ANKAR: variants seen among roughly 807,000 people sequenced by gnomAD.
ANKAR encodes the protein ankyrin and armadillo repeat containing.
ANKAR carries 136 observed loss-of-function variants against 146.2 expected under a neutral mutation model. The observed-to-expected ratio is 0.93, with a 90% CI of 0.81 to 1.07. The LOEUF is 1.07. Ranked by LOEUF, ANKAR falls within the 50% of genes least tolerant of loss-of-function variation. The pLI is 0.00. For missense variants in ANKAR, 1,567 were observed against 1,679.9 expected (o/e 0.93, Z 1.18); for synonymous variants, 500 against 575.8 (o/e 0.87, Z 1.88).
intron 18 of ANKAR, among the ~76,000 whole-genome samples, chr2:189,760,155 T>A (rs1309434949): frequency 1.3e-5 from 2 of 152,230 alleles, no homozygotes; most frequent in African/African-American, 4.8e-5. Context: ...TATGTCTACT[T>A]CTTTCTACAC....
intron 18 of ANKAR, chr2:189,752,628 A>G: frequency 6.2e-7 from 1 of 1,611,700 alleles, no homozygotes; most frequent in Non-Finnish European, 8.5e-7. Context: ...TAACTTGCAT[A>G]AAGATCATGA....
chr2:189,695,036 C>A lies in ANKAR; in HGVS notation c.1363C>A (p.Gln455Lys), dbSNP rs1478053438. The part of the protein sequence containing the change: ...ETFYQQLYKT[Q>K]WWGAINEIVN... ...TTTCTATCAGCAACTATATAAGACACAGTGGTGGGGAGCCATAAATGAAAT... is the reference window on the plus strand; with the variant it reads ...TTTCTATCAGCAACTATATAAGACAAAGTGGTGGGGAGCCATAAATGAAAT... The change falls in exon 6 of 23, where the codon CAG becomes AAG. Residue 455 changes from glutamine to lysine, a missense_variant. By Grantham distance (53) the Gln-to-Lys change is moderately conservative. Transcript: ENST00000684021. The A allele has an allele frequency of 6.2e-7, 1 of 1,610,330 alleles. No individual in the cohort carries two copies. The highest frequency in any genetic ancestry group is 2.2e-5 in the East Asian group (1 of 44,758).
At chr2:189,727,728 T>C in intron 12 of ANKAR, 128 bp from the exon 13 acceptor site, 1 of 1,207,074 alleles carries the variant, frequency 8.3e-7, no homozygotes, top group South Asian at 1.7e-5. Context: ...TTTATTTCTA[T>C]TTTTCTTTAT....
chr2:189,743,185 A>G, intron 20 of ANKAR, 90 bp from the exon 21 acceptor site: 1 of 1,310,176 alleles, frequency 7.6e-7, no homozygotes, highest in Non-Finnish European at 1.1e-6. Flanking sequence ...CCTCCCTTAC[A>G]GAGACTTTCC....
intron 8 of ANKAR, among the ~76,000 whole-genome samples, chr2:189,705,554 T>C (rs944782402): frequency 6.6e-6 from 1 of 152,208 alleles, no homozygotes; most frequent in East Asian, 1.9e-4. Context: ...GTTCTGCAGA[T>C]TAACTTTTCA....
At position 189,746,575 on chromosome 2, in the gene ANKAR, A is replaced by G. The variant is rs2044197350; in HGVS notation, c.4253A>G (p.Asn1418Ser). The change falls in exon 23 of 23, where the codon AAC becomes AGC. Residue 1418 changes from asparagine to serine, a missense_variant. Physicochemically the swap from Asn to Ser is conservative, Grantham distance 46 (BLOSUM62 1). Coordinates refer to ENST00000684021, the MANE Select transcript of ANKAR (RefSeq NM_001378068.1). Reference protein sequence around the residue: ...NVSRPRIVCLNQLGKHVQKAN... With the variant: ...NVSRPRIVCLSQLGKHVQKAN... ...TCAAGACCAAGAATAGTGTGTTTGAACCAACTTGGGAAACATGTCCAGAAA... is the reference window on the plus strand; with the variant it reads ...TCAAGACCAAGAATAGTGTGTTTGAGCCAACTTGGGAAACATGTCCAGAAA... 1 of 1,613,322 alleles carries G rather than the reference A, an allele frequency of 6.2e-7. No homozygotes were observed.
intron 2 of ANKAR, among the ~76,000 whole-genome samples, chr2:189,683,301 C>T (rs1003497116): frequency 1.1e-4 from 17 of 152,200 alleles, no homozygotes; most frequent in African/African-American, 3.9e-4. Context: ...TGCTGTCTCT[C>T]ATTAGCCGAA....
intron 21 of ANKAR, 31 bp from the exon 22 acceptor site, chr2:189,744,711 T>G: frequency 6.5e-7 from 1 of 1,534,608 alleles, no homozygotes; most frequent in East Asian, 2.3e-5. Context: ...TGTCTTCATT[T>G]ATTTTAATGA....
At chr2:189,744,081 T>C (rs1237220747) in intron 21 of ANKAR, among the ~76,000 whole-genome samples, 1 of 151,772 alleles carries the variant, frequency 6.6e-6, no homozygotes, top group East Asian at 1.9e-4. Flanking sequence ...CTCCAAGTAG[T>C]GATATTCATA....
intron 8 of ANKAR, among the ~76,000 whole-genome samples, chr2:189,706,691 G>A (rs2038997709): frequency 6.6e-6 from 1 of 152,128 alleles, no homozygotes; most frequent in African/African-American, 2.4e-5. Flanking sequence ...AACTTTGTGC[G>A]TTATCATCCT....
chr2:189,683,748 G>A (rs2035106578), intron 2 of ANKAR, among the ~76,000 whole-genome samples: 1 of 152,172 alleles, frequency 6.6e-6, no homozygotes, highest in Admixed American at 6.5e-5. Flanking sequence ...TCCTCTGTTG[G>A]CATGACTGGG....
chr2:189,711,215 C>T (rs1231399400), intron 10 of ANKAR, 62 bp downstream of exon 10: 1 of 1,226,242 alleles, frequency 8.2e-7, no homozygotes, highest in Non-Finnish European at 1.1e-6. Context: ...TTTTATTCAT[C>T]AGTCATTTTT....
intron 20 of ANKAR, 97 bp from the exon 21 acceptor site, chr2:189,743,178 C>T (rs1046589665): frequency 8.2e-7 from 1 of 1,215,260 alleles, no homozygotes; most frequent in Non-Finnish European, 1.2e-6. Flanking sequence ...CTTGCTCCCT[C>T]CCTTACAGAG....
chr2:189,745,199 AAGT>A (rs2105913694), intron 22 of ANKAR, among the ~76,000 whole-genome samples: 1 of 151,938 alleles, frequency 6.6e-6, no homozygotes, highest in East Asian at 1.9e-4. Flanking sequence ...TCAAAAAAAA[AAGT>A]AGAGGGTACC....
chr2:189,760,184 ATCTC>A (rs1346425035), intron 18 of ANKAR, among the ~76,000 whole-genome samples: 2 of 152,146 alleles, frequency 1.3e-5, no homozygotes, highest in African/African-American at 2.4e-5. Flanking sequence ...TAACAATCTG[ATCTC>A]TCTTTCTTTT....
chr2:189,733,287 T>A, intron 17 of ANKAR, 58 bp downstream of exon 17: 1 of 1,396,048 alleles, frequency 7.2e-7, no homozygotes, highest in Non-Finnish European at 9.7e-7. Context: ...TTATACCACA[T>A]CTTCAAATTA....
intron 7 of ANKAR, among the ~76,000 whole-genome samples, chr2:189,696,779 A>G (rs1390169686): frequency 1.3e-5 from 2 of 152,194 alleles, no homozygotes; most frequent in Non-Finnish European, 2.9e-5. Flanking sequence ...TACTATAGAA[A>G]TTCAGAGAAC....
chr2:189,745,027 C>CTAATAATAATAATAATAATAATAA (rs1553537043), intron 22 of ANKAR, among the ~76,000 whole-genome samples: 40 of 131,094 alleles, frequency 3.1e-4, no homozygotes, highest in Admixed American at 5.7e-4. Context: ...ACTACTACTA[C>CTAATAATAATAATAATAATAATAA]TAATAATACA....
rs749286039 is a variant in ANKAR, at chr2:189,730,590, C to T, written c.3289C>T (p.Pro1097Ser). The change falls in exon 16 of 23, where the codon CCT becomes TCT. Residue 1097 changes from proline to serine, a missense_variant. Physicochemically the swap from Pro to Ser is moderately conservative, Grantham distance 74. Coordinates refer to ENST00000684021, the MANE Select transcript of ANKAR (RefSeq NM_001378068.1). Reference protein sequence around the residue: ...LIQLLRNHPSPNIKVEVAFSL... With the variant: ...LIQLLRNHPSSNIKVEVAFSL... ...CCAACTACTAAGAAATCACCCTTCT[C>T]CTAACATTAAGGTATAAAGGTTTAC... 1.9e-6 allele frequency: 3 copies of T among 1,573,610 alleles called. No homozygotes were observed. The highest frequency in any genetic ancestry group is 1.7e-5 in the Admixed American group (1 of 57,754).
Sources: gnomAD v4.1 joint callset for allele counts (sites outside exome capture counted in the v4.1 genomes callset) on GRCh38, gnomAD v4.1.1 for gene constraint, MANE v1.5 for transcripts, NCBI Gene and HGNC (gene_info 2026-07-23, HGNC 2026-07-21) for gene names.